Variants in SLC8A3 observed in about 807,000 individuals in gnomAD.
The protein encoded by SLC8A3 is solute carrier family 8 member A3.
In SLC8A3, 37 loss-of-function variants were observed where a neutral mutation model predicts 65.4. The observed-to-expected ratio is 0.57, with a 90% CI of 0.44 to 0.74. The LOEUF (loss-of-function observed/expected upper bound fraction) is 0.74, where lower values mean the gene tolerates loss of function less well. SLC8A3 is among the 30% of genes least tolerant of loss of function. The pLI, the probability that SLC8A3 is intolerant of heterozygous loss-of-function variation, is 0.00. For missense variants in SLC8A3, 1,112 were observed against 1,172.1 expected, an observed-to-expected ratio of 0.95 and a Z score of 0.75; for synonymous variants, 461 against 444.5, an observed-to-expected ratio of 1.04 and a Z score of -0.47.
At chr14:70,105,283 C>A (rs1011436516) in intron 2 of SLC8A3, among the ~76,000 whole-genome samples, 4 of 151,992 alleles carry the variant, frequency 2.6e-5, no homozygotes, top group Non-Finnish European at 4.4e-5. Flanking sequence ...GAGCCGAGAT[C>A]GAGCCACTGC....
chr14:70,050,943 C>A (rs1385017892), intron 5 of SLC8A3, 65 bp downstream of exon 5: 1 of 1,033,914 alleles, frequency 9.7e-7, no homozygotes, highest in South Asian at 1.3e-5. Flanking sequence ...GTTAACGTGG[C>A]TTTACGCTTC....
intron 1 of SLC8A3, among the ~76,000 whole-genome samples, chr14:70,176,613 G>A (rs757834757): frequency 2.0e-5 from 3 of 152,204 alleles, no homozygotes; most frequent in East Asian, 1.9e-4. Context: ...CAGATCATGC[G>A]TTGACGCACA....
chr14:70,174,651 G>GGTTTTTTTT (rs1555385182), intron 1 of SLC8A3, among the ~76,000 whole-genome samples: 3 of 90,364 alleles, frequency 3.3e-5, no homozygotes, highest in African/African-American at 1.5e-4. Context: ...GACCAAATCC[G>GGTTTTTTTT]TTTTTTTTTT....
At chr14:70,095,116 G>A (rs1389919536) in intron 2 of SLC8A3, among the ~76,000 whole-genome samples, 1 of 152,210 alleles carries the variant, frequency 6.6e-6, no homozygotes, top group Non-Finnish European at 1.5e-5. Context: ...CTTGTCACGT[G>A]GTAGAAAGAA....
intron 2 of SLC8A3, among the ~76,000 whole-genome samples, chr14:70,065,225 C>T (rs1889289168): frequency 6.6e-6 from 1 of 152,168 alleles, no homozygotes; most frequent in African/African-American, 2.4e-5. Context: ...CTGAGCTTCC[C>T]CAAGTCACCA....
chr14:70,104,170 T>A (rs537768180), intron 2 of SLC8A3, among the ~76,000 whole-genome samples: 1 of 152,048 alleles, frequency 6.6e-6, no homozygotes, highest in Non-Finnish European at 1.5e-5. Context: ...AATAGCCAAT[T>A]CCACAATCAT....
chr14:70,104,226 T>C (rs2140118060), intron 2 of SLC8A3, among the ~76,000 whole-genome samples: 1 of 152,274 alleles, frequency 6.6e-6, no homozygotes, highest in East Asian at 1.9e-4. Flanking sequence ...CATGAAATAA[T>C]TCTACAAAAC....
chr14:70,060,483 G>T (rs2332235), intron 3 of SLC8A3, among the ~76,000 whole-genome samples: 1 of 152,134 alleles, frequency 6.6e-6, no homozygotes, highest in Non-Finnish European at 1.5e-5. Flanking sequence ...TGGGGTGGGG[G>T]AGAGTGCAGG....
At chr14:70,055,205 T>C (rs1258805263) in intron 3 of SLC8A3, among the ~76,000 whole-genome samples, 2 of 152,096 alleles carry the variant, frequency 1.3e-5, no homozygotes, top group Non-Finnish European at 2.9e-5. Flanking sequence ...TCCTAATTCA[T>C]CTTGTTCACG....
chr14:70,050,233 A>T (rs1887327768), intron 5 of SLC8A3, among the ~76,000 whole-genome samples: 1 of 152,192 alleles, frequency 6.6e-6, no homozygotes, highest in African/African-American at 2.4e-5. Context: ...GATCTAAAGC[A>T]GGTGATGAGA....
rs781373778 is a variant in SLC8A3, at chr14:70,051,102, C to T, written c.2019G>A (p.Thr673=). ...IIEESYEFKT[T]VDKLIKKTNL... is the part of the protein sequence containing the mutation. Reference sequence around the variant, plus strand: ...TTGTCTTCTTGATCAGTTTGTCCACCGTAGTCTGTTAAGAAGAGAAAAACT... The same window carrying T: ...TTGTCTTCTTGATCAGTTTGTCCACTGTAGTCTGTTAAGAAGAGAAAAACT... Residue 673 remains threonine, a synonymous_variant, in exon 5 of 7, where the codon ACG becomes ACA. Transcript: ENST00000356921. 20 of 1,610,982 alleles carry T rather than the reference C, an allele frequency of 1.2e-5. 1 individual carries two copies. Among genetic ancestry groups the T allele is most frequent in the African/African-American group, 4.0e-5 (3 of 74,844 alleles).
At chr14:70,056,054 G>T (rs1888080552) in intron 3 of SLC8A3, among the ~76,000 whole-genome samples, 1 of 152,178 alleles carries the variant, frequency 6.6e-6, no homozygotes. Flanking sequence ...AAGGGCATTT[G>T]CTCCTATGCT....
At position 70,177,935 on chromosome 14, in the gene SLC8A3, AG is replaced by A. The variant is rs1473141411; in HGVS notation, c.-62-9452del. On this transcript the variant is annotated intron_variant, in intron 1 of 6. Coordinates refer to ENST00000356921, the MANE Select transcript of SLC8A3 (RefSeq NM_182932.3). ...CAGACTCTCCCAGGACTGGGATGAG[AG>A]GCAATGGAGAACTGAACCAAGGCAG... is the stretch of plus-strand genomic sequence containing the variant. 8.5e-5 allele frequency among the ~76,000 whole-genome samples: 13 copies of A among 152,302 alleles called. No individual in the cohort carries two copies. The East Asian group carries it at 2.5e-3, about 29-fold the overall frequency.
intron 2 of SLC8A3, among the ~76,000 whole-genome samples, chr14:70,137,202 G>C (rs1268802016): frequency 5.3e-5 from 8 of 150,880 alleles, no homozygotes; most frequent in Non-Finnish European, 1.2e-4. Flanking sequence ...ATGGAGTGCA[G>C]TGGCATGATC....
chr14:70,159,106 T>G (rs929272957), intron 2 of SLC8A3, among the ~76,000 whole-genome samples: 1 of 152,166 alleles, frequency 6.6e-6, no homozygotes, highest in Non-Finnish European at 1.5e-5. Flanking sequence ...TTAGTTTCTC[T>G]TTTAAAAACC....
At chr14:70,105,792 A>G (rs1412926197) in intron 2 of SLC8A3, among the ~76,000 whole-genome samples, 3 of 152,186 alleles carry the variant, frequency 2.0e-5, no homozygotes, top group African/African-American at 7.2e-5. Context: ...ACAAGAAAAA[A>G]AAATTGCAGA....
chr14:70,090,591 T>C (rs1037957210), intron 2 of SLC8A3, among the ~76,000 whole-genome samples: 2 of 152,230 alleles, frequency 1.3e-5, no homozygotes, highest in South Asian at 4.1e-4. Flanking sequence ...TATTCCTTCC[T>C]GCCACAGGAA....
chr14:70,083,675 T>A (rs561336677), intron 2 of SLC8A3, among the ~76,000 whole-genome samples: 4 of 152,192 alleles, frequency 2.6e-5, no homozygotes, highest in Admixed American at 2.6e-4. Context: ...AACAGCCCAG[T>A]GAAGTCTATG....
intron 2 of SLC8A3, among the ~76,000 whole-genome samples, chr14:70,105,143 C>G (rs113244042): frequency 2.0e-5 from 3 of 152,086 alleles, no homozygotes; most frequent in African/African-American, 7.2e-5. Context: ...TCCTGGCTAA[C>G]GTGGTGAAAC....
Sources: gnomAD v4.1 joint callset for allele counts (sites outside exome capture counted in the v4.1 genomes callset) on GRCh38, gnomAD v4.1.1 for gene constraint, MANE v1.5 for transcripts, NCBI Gene and HGNC (gene_info 2026-07-23, HGNC 2026-07-21) for gene names.